PCDHGB1: variants seen among roughly 807,000 people sequenced by gnomAD.
PCDHGB1 encodes the protein protocadherin gamma subfamily B, 1.
A neutral mutation model predicts 56.6 loss-of-function variants in PCDHGB1; 34 were observed. That is an observed-to-expected ratio of 0.60 (90% CI 0.46 to 0.80). The LOEUF is 0.80. Among genes scored for constraint, PCDHGB1 ranks in the 30% least tolerant of loss-of-function variants. The probability of loss-of-function intolerance (pLI) is 0.00; values close to 1 mark genes in which losing one functional copy is unlikely to be tolerated. For missense variants in PCDHGB1, 1,278 were observed against 1,204.6 expected (o/e 1.06, Z -0.90); for synonymous variants, 561 against 505.9 (o/e 1.11, Z -1.46).
At chr5:141,451,703 A>C (rs975120935) in intron 1 of PCDHGB1, among the ~76,000 whole-genome samples, 2 of 152,144 alleles carry the variant, frequency 1.3e-5, no homozygotes, top group Non-Finnish European at 2.9e-5. Context: ...GTAACATGAC[A>C]AAACCCTGCC....
intron 1 of PCDHGB1, chr5:141,383,229 G>A: frequency 6.2e-7 from 1 of 1,613,958 alleles, no homozygotes. Flanking sequence ...ACATCCTGAT[G>A]GAAGATAAAA....
At position 141,364,766 on chromosome 5, in the gene PCDHGB1, G is replaced by A. The variant is rs377017789; in HGVS notation, c.2409+12097G>A. 6 of 1,613,880 alleles carry A rather than the reference G, an allele frequency of 3.7e-6. No homozygotes were observed. The African/African-American group carries it at 8.0e-5, about 22-fold the overall frequency. ...GTTAAAAGTAAAAGTTAATGAAAAT[G>A]CGGCTGCAGGGACACGGTTAGTGCT... On this transcript the variant is annotated intron_variant, in intron 1 of 3. Coordinates refer to ENST00000523390, the MANE Select transcript of PCDHGB1 (RefSeq NM_018922.3).
chr5:141,372,334 G>A (rs757971401), intron 1 of PCDHGB1: 3 of 1,613,766 alleles, frequency 1.9e-6, no homozygotes, highest in Admixed American at 1.7e-5. Context: ...GTCACTGTGC[G>A]TGATGGAGGA....
In PCDHGB1 at chr5:141,419,638, C is replaced by T. The variant is rs191182165; in HGVS notation, c.2409+66969C>T. On this transcript the variant is annotated intron_variant, in intron 1 of 3. Coordinates refer to ENST00000523390, the MANE Select transcript of PCDHGB1 (RefSeq NM_018922.3). Reference sequence around the variant, plus strand: ...GCTACCTGGTGACCAAGGTGGTGGCCGTGGACGCGGACTCGGGGCACAATG... The same window carrying T: ...GCTACCTGGTGACCAAGGTGGTGGCTGTGGACGCGGACTCGGGGCACAATG... The T allele has an allele frequency of 4.9e-3, 7,979 of 1,612,456 alleles. 44 individuals are homozygous for T. Among genetic ancestry groups the T allele is most frequent in the Admixed American group, 9.5e-3 (568 of 60,000 alleles).
chr5:141,419,358 C>A (rs569760413), intron 1 of PCDHGB1: 1 of 1,613,810 alleles, frequency 6.2e-7, no homozygotes, highest in South Asian at 1.1e-5. Flanking sequence ...GAGTCACGAA[C>A]GCTGTCGTCC....
At chr5:141,484,931 A>ACGTT (rs1464416110) in intron 1 of PCDHGB1, 2 of 498,000 alleles carry the variant, frequency 4.0e-6, no homozygotes, top group Non-Finnish European at 7.2e-6. Flanking sequence ...TGCTGTTGGG[A>ACGTT]CGTTCTCTGC....
At position 141,352,510 on chromosome 5, in the gene PCDHGB1, A is replaced by G. The variant is rs572735665; in HGVS notation, c.2250A>G (p.Leu750=). 3.7e-6 allele frequency: 6 copies of G among 1,613,854 alleles called. No homozygotes were observed. The highest frequency in any genetic ancestry group is 2.2e-5 in the South Asian group (2 of 91,082). Residue 750 remains leucine (L), a synonymous_variant, in exon 1 of 4, where the codon CTA becomes CTG. Coordinates refer to ENST00000523390, the MANE Select transcript of PCDHGB1 (RefSeq NM_018922.3). ...GGACTTTGCCCTATTCCTACAATCT[A>G]TGTATTGCCTCTCATTCTGCAAAGA... ...SEGTLPYSYN[L]CIASHSAKTE... is the part of the protein sequence containing the mutation.
Position 141,431,354 on chromosome 5 carries a change from G to GCC in PCDHGB1, c.2410-63451_2410-63450dup. The GCC allele has an allele frequency of 6.2e-7, 1 of 1,614,036 alleles. No individual in the cohort carries two copies. Among genetic ancestry groups the GCC allele is most frequent in the African/African-American group, 1.3e-5 (1 of 75,052 alleles). On this transcript the variant is annotated intron_variant, in intron 1 of 3. Transcript: ENST00000523390. This position sits in a 1 kb window ranked among gnomAD's most constrained non-coding sequence, Gnocchi z 4.8. Reference sequence around the variant, plus strand: ...GTACCCCGAATTGGTGCTGAAACGCGCCCTGGACCGCGAAGAAAAGGCTGC... The same window carrying GCC: ...GTACCCCGAATTGGTGCTGAAACGCGCCCCCTGGACCGCGAAGAAAAGGCTGC...
intron 3 of PCDHGB1, among the ~76,000 whole-genome samples, chr5:141,509,722 C>A (rs919655821): frequency 5.9e-5 from 9 of 152,140 alleles, no homozygotes; most frequent in African/African-American, 2.2e-4. Flanking sequence ...CTGATGTCAC[C>A]TAGCTGTGGC....
intron 1 of PCDHGB1, among the ~76,000 whole-genome samples, chr5:141,480,513 C>T (rs1376669385): frequency 7.9e-6 from 1 of 127,246 alleles, no homozygotes. Context: ...ATGAGAACAA[C>T]CAAAAATGAC....
chr5:141,393,874 G>C, intron 1 of PCDHGB1: 1 of 1,613,944 alleles, frequency 6.2e-7, no homozygotes. Context: ...TCTTTGTTTA[G>C]CCCAGTGTTA....
intron 1 of PCDHGB1, chr5:141,389,352 A>G (rs758141313): frequency 7.4e-6 from 12 of 1,613,628 alleles, no homozygotes; most frequent in Admixed American, 1.7e-5. Flanking sequence ...TTACTGCATC[A>G]TGGCCAGTGA....
At chr5:141,426,655 A>C (rs2096950037) in intron 1 of PCDHGB1, 1 of 424,748 alleles carries the variant, frequency 2.4e-6, no homozygotes, top group Non-Finnish European at 4.8e-6. Flanking sequence ...ATGATAGAAG[A>C]TATAAATGAT....
Position 141,385,038 on chromosome 5 carries a change from G to A in PCDHGB1, c.2409+32369G>A, listed in dbSNP as rs377185831. The A allele has an allele frequency of 7.4e-6, 12 of 1,614,020 alleles. No individual in the cohort carries two copies. The African/African-American group carries it at 1.2e-4, about 16-fold the overall frequency. On this transcript the variant is annotated intron_variant, in intron 1 of 3. Transcript: ENST00000523390. ...TAGCCTTCGTCCTCGTACTGCTGGC[G>A]CTCAGGCTGCGGCGCTGGCACAAGT...
Position 141,485,369 on chromosome 5 carries a change from G to T in PCDHGB1, c.2410-9438G>T. On this transcript the variant is annotated intron_variant, in intron 1 of 3. Transcript: ENST00000523390. This position sits in a 1 kb window ranked among gnomAD's most constrained non-coding sequence, Gnocchi z 5.7. ...CAGTCTGTCAGCTCGCAGGCTGCAG[G>T]TCGCTGGAGAGGTGAACCAAAGACA... 1 of 1,614,154 alleles carries T rather than the reference G, an allele frequency of 6.2e-7. No individual in the cohort carries two copies. The highest frequency in any genetic ancestry group is 1.1e-5 in the South Asian group (1 of 91,088).
chr5:141,490,985 C>T lies in PCDHGB1; in HGVS notation c.2410-3822C>T. On this transcript the variant is annotated intron_variant, in intron 1 of 3. Transcript: ENST00000523390. This position sits in a 1 kb window ranked among gnomAD's most constrained non-coding sequence, Gnocchi z 5.4. ...TCAGCCCCCCAGCGTCTCCCTCGCT[C>T]TGCTCCTCCTGGCTCCTTGGTCACC... The T allele has an allele frequency of 1.9e-6, 3 of 1,614,128 alleles. No individual in the cohort carries two copies. The highest frequency in any genetic ancestry group is 2.5e-6 in the Non-Finnish European group (3 of 1,180,032).
chr5:141,445,621 G>A (rs1216813961), intron 1 of PCDHGB1, among the ~76,000 whole-genome samples: 4 of 151,996 alleles, frequency 2.6e-5, no homozygotes, highest in African/African-American at 7.2e-5. Flanking sequence ...TCTTTTTTTC[G>A]GAAAGTGATA....
Position 141,351,084 on chromosome 5 carries a change from CCTA to C in PCDHGB1, c.825_827del (p.Tyr276del). On this transcript the variant is annotated inframe_deletion, in exon 1 of 4. Coordinates refer to ENST00000523390, the MANE Select transcript of PCDHGB1 (RefSeq NM_018922.3). The stretch of plus-strand genomic sequence containing the variant: ...GATGAGGGCATTAATGCAGAGATCA[CCTA>C]TGCCTTCCTCAATTCCCCAATAAGT... 1.2e-6 allele frequency: 2 copies of C among 1,614,002 alleles called. No individual in the cohort carries two copies. The highest frequency in any genetic ancestry group is 2.2e-5 in the South Asian group (2 of 91,086).
chr5:141,398,989 T>A lies in PCDHGB1; in HGVS notation c.2409+46320T>A, dbSNP rs766277028. 153 of 1,613,914 alleles carry A rather than the reference T, an allele frequency of 9.5e-5. No individual in the cohort carries two copies. The Middle Eastern group carries it at 3.6e-3, about 38-fold the overall frequency. ...TTCCTTCTACAGAACCGGGCAAATC[T>A]TTAGTCTGAATTCAAAGAGCGGAGA... is the stretch of plus-strand genomic sequence containing the variant. On this transcript the variant is annotated intron_variant, in intron 1 of 3. Coordinates refer to ENST00000523390, the MANE Select transcript of PCDHGB1 (RefSeq NM_018922.3).
Sources: allele counts gnomAD v4.1 joint callset (sites outside exome capture counted in the v4.1 genomes callset), GRCh38; gene constraint gnomAD v4.1.1; non-coding constraint Gnocchi (gnomAD v3.1); transcripts MANE v1.5; gene names NCBI Gene and HGNC (gene_info 2026-07-23, HGNC 2026-07-21).